Variants in FSTL5 observed in about 807,000 individuals in gnomAD.
FSTL5 encodes follistatin like 5, also known as follistatin-related protein 5.
Under a neutral mutation model 89.1 loss-of-function variants are expected in FSTL5, and 62 were observed. The observed-to-expected ratio is 0.70, with a 90% CI of 0.57 to 0.86. The LOEUF (loss-of-function observed/expected upper bound fraction) is 0.86, where lower values mean the gene tolerates loss of function less well. Ranked by LOEUF, FSTL5 falls within the 40% of genes least tolerant of loss-of-function variation. The probability of loss-of-function intolerance (pLI) is 0.00; values close to 1 mark genes in which losing one functional copy is unlikely to be tolerated. For missense variants in FSTL5, 1,057 were observed against 1,001.6 expected (o/e 1.06, Z -0.75); for synonymous variants, 383 against 346.2 (o/e 1.11, Z -1.18).
chr4:161,846,580 T>C (rs1404101514), intron 4 of FSTL5, among the ~76,000 whole-genome samples: 1 of 152,190 alleles, frequency 6.6e-6, no homozygotes, highest in East Asian at 1.9e-4. Flanking sequence ...AGAATGCACA[T>C]TCATTAACCA....
intron 2 of FSTL5, among the ~76,000 whole-genome samples, chr4:162,065,907 C>A (rs1159330057): frequency 6.6e-6 from 1 of 151,840 alleles, no homozygotes; most frequent in Non-Finnish European, 1.5e-5. Flanking sequence ...CTTTGCTAAT[C>A]CAACTTTTAA....
intron 8 of FSTL5, among the ~76,000 whole-genome samples, chr4:161,547,448 T>C (rs1732045654): frequency 6.6e-6 from 1 of 151,930 alleles, no homozygotes; most frequent in African/African-American, 2.4e-5. Flanking sequence ...CAGCTTCTTT[T>C]TATGAAGTCA....
chr4:161,873,501 C>T (rs1462517884), intron 4 of FSTL5, among the ~76,000 whole-genome samples: 1 of 148,060 alleles, frequency 6.8e-6, no homozygotes, highest in African/African-American at 2.5e-5. Context: ...TCCTTCCTTC[C>T]TTCTTTCCTT....
chr4:161,691,706 G>A (rs1225669031), intron 6 of FSTL5, among the ~76,000 whole-genome samples: 1 of 151,970 alleles, frequency 6.6e-6, no homozygotes, highest in East Asian at 1.9e-4. Flanking sequence ...GCAGTGTTTT[G>A]TAGTTCTAAG....
chr4:161,600,287 C>T (rs1314326433), intron 7 of FSTL5, among the ~76,000 whole-genome samples: 6 of 150,966 alleles, frequency 4.0e-5, no homozygotes, highest in Non-Finnish European at 5.9e-5. Context: ...GGTAAAAATA[C>T]GAAGAGCAGC....
At chr4:161,895,983 C>T (rs1733146419) in intron 4 of FSTL5, among the ~76,000 whole-genome samples, 1 of 152,118 alleles carries the variant, frequency 6.6e-6, no homozygotes, top group South Asian at 2.1e-4. Flanking sequence ...TTACCAAAGT[C>T]ACAGGACAAA....
At chr4:162,133,047 C>A (rs780260864) in intron 1 of FSTL5, among the ~76,000 whole-genome samples, 7 of 152,258 alleles carry the variant, frequency 4.6e-5, no homozygotes, top group Admixed American at 2.0e-4. Flanking sequence ...GGTTCACGCC[C>A]TTCTCCTACC....
At chr4:161,943,436 T>C (rs1385368867) in intron 3 of FSTL5, among the ~76,000 whole-genome samples, 2 of 151,652 alleles carry the variant, frequency 1.3e-5, no homozygotes, top group Non-Finnish European at 2.9e-5. Context: ...GTTATTTTAA[T>C]GATTACTCAA....
chr4:161,583,454 CT>C (rs2126602492), intron 8 of FSTL5, among the ~76,000 whole-genome samples: 1 of 152,306 alleles, frequency 6.6e-6, no homozygotes, highest in South Asian at 2.1e-4. Context: ...TACACTGTAT[CT>C]CCTTTGAGCC....
At chr4:161,941,357 G>C (rs901753435) in intron 3 of FSTL5, among the ~76,000 whole-genome samples, 20 of 151,822 alleles carry the variant, frequency 1.3e-4, no homozygotes, top group African/African-American at 4.3e-4. Flanking sequence ...GGGATTGGCA[G>C]AATGGATAAA....
intron 7 of FSTL5, among the ~76,000 whole-genome samples, chr4:161,628,778 C>G (rs1434741156): frequency 6.6e-6 from 1 of 152,118 alleles, no homozygotes; most frequent in Non-Finnish European, 1.5e-5. Context: ...CAATTTTTCA[C>G]TTGCTCATTT....
rs112189618 is a variant in FSTL5, at chr4:161,535,242, A to T, written c.1312+2924T>A. Among the ~76,000 whole-genome samples the T allele has an allele frequency of 5.7e-4, 87 of 152,306 alleles. 1 individual carries two copies. The highest frequency in any genetic ancestry group is 3.4e-3 in the Middle Eastern group (1 of 294). ...AAGAGTGCCTAAGAAGTGCCTAATT[A>T]AACTAAAGAGCTTCTGTACAGCAAA... On this transcript the variant is annotated intron_variant, in intron 10 of 15. Coordinates refer to ENST00000306100, the MANE Select transcript of FSTL5 (RefSeq NM_020116.5).
intron 3 of FSTL5, among the ~76,000 whole-genome samples, chr4:162,011,284 T>C (rs1429881378): frequency 6.6e-6 from 1 of 152,130 alleles, no homozygotes; most frequent in East Asian, 1.9e-4. Context: ...TTGAGTTATA[T>C]GCCAGAAGAT....
intron 2 of FSTL5, among the ~76,000 whole-genome samples, chr4:162,105,922 T>C (rs1341878077): frequency 1.3e-5 from 2 of 152,184 alleles, no homozygotes; most frequent in Admixed American, 1.3e-4. Context: ...ATAATGCTCC[T>C]GGGTCTGCCT....
In FSTL5 at chr4:161,568,791, T is replaced by G. The variant is rs528111553; in HGVS notation, c.1015+18664A>C. Among the ~76,000 whole-genome samples the G allele has an allele frequency of 3.3e-5, 5 of 152,338 alleles. No individual in the cohort carries two copies. The South Asian group carries it at 1.0e-3, about 32-fold the overall frequency. Reference sequence around the variant, plus strand: ...TTTTTTGTTGTTGTTGTTTACCTAATGCATAGGCAGCTAATTTCCATTAGT... The same window carrying G: ...TTTTTTGTTGTTGTTGTTTACCTAAGGCATAGGCAGCTAATTTCCATTAGT... On this transcript the variant is annotated intron_variant, in intron 8 of 15. Coordinates refer to ENST00000306100, the MANE Select transcript of FSTL5 (RefSeq NM_020116.5).
In FSTL5 at chr4:161,813,508, G is replaced by T. The variant is rs369188683; in HGVS notation, c.410-37434C>A. On this transcript the variant is annotated intron_variant, in intron 4 of 15. Coordinates refer to ENST00000306100, the MANE Select transcript of FSTL5 (RefSeq NM_020116.5). ...TTAATTATGAAACGATCATGGAAAA[G>T]CTGTTTAATTTCTTTGAATTCTAAC... Among the ~76,000 whole-genome samples, 5 of 152,274 alleles carry T rather than the reference G, an allele frequency of 3.3e-5. No homozygotes were observed. The East Asian group carries it at 9.6e-4, about 29-fold the overall frequency.
At chr4:161,930,635 C>T (rs1734259943) in intron 3 of FSTL5, among the ~76,000 whole-genome samples, 1 of 151,704 alleles carries the variant, frequency 6.6e-6, no homozygotes, top group Non-Finnish European at 1.5e-5. Flanking sequence ...GGTTGCTAGT[C>T]ACATGATCAC....
chr4:162,106,642 G>A (rs543365841), intron 2 of FSTL5, among the ~76,000 whole-genome samples: 4 of 152,226 alleles, frequency 2.6e-5, no homozygotes, highest in Non-Finnish European at 4.4e-5. Flanking sequence ...GCCAAGAATA[G>A]AAATGAAACA....
chr4:161,565,583 G>C (rs1437584236), intron 8 of FSTL5, among the ~76,000 whole-genome samples: 1 of 151,642 alleles, frequency 6.6e-6, no homozygotes, highest in Non-Finnish European at 1.5e-5. Context: ...TTTGCAATAT[G>C]CAAAAGCTTG....
Sources: allele counts gnomAD v4.1 joint callset (sites outside exome capture counted in the v4.1 genomes callset), GRCh38; gene constraint gnomAD v4.1.1; transcripts MANE v1.5; gene names NCBI Gene and HGNC (gene_info 2026-07-23, HGNC 2026-07-21).